The following SUSD5 variants were observed in gnomAD, a reference collection of about 807,000 sequenced individuals.
SUSD5 encodes the protein sushi domain-containing protein 5.
A neutral mutation model predicts 29.5 loss-of-function variants in SUSD5; 33 were observed. The observed-to-expected ratio is 1.12, with a 90% CI of 0.85 to 1.49. The LOEUF (loss-of-function observed/expected upper bound fraction) is 1.49, where lower values mean the gene tolerates loss of function less well. Ranked by LOEUF, SUSD5 falls within the 40% of genes most tolerant of loss-of-function variation. The pLI is 0.00. For missense variants in SUSD5, 776 were observed against 800.6 expected, an observed-to-expected ratio of 0.97 and a Z score of 0.37; for synonymous variants, 308 against 325.3, an observed-to-expected ratio of 0.95 and a Z score of 0.57.
At chr3:33,166,519 G>A (rs11710911) in intron 4 of SUSD5, among the ~76,000 whole-genome samples, 82,898 of 151,876 alleles carry the variant, frequency 0.55, 24,243 homozygotes, top group Middle Eastern at 0.66. Flanking sequence ...AGAGTTCACC[G>A]CTGTCACCAT....
At chr3:33,183,053 C>T (rs2031705734) in intron 3 of SUSD5, among the ~76,000 whole-genome samples, 1 of 152,178 alleles carries the variant, frequency 6.6e-6, no homozygotes, top group Non-Finnish European at 1.5e-5. Flanking sequence ...CCTTGGCCTC[C>T]CAAAGTGCTG....
intron 2 of SUSD5, 91 bp downstream of exon 2, chr3:33,213,837 A>G: frequency 7.3e-7 from 1 of 1,363,666 alleles, no homozygotes; most frequent in East Asian, 2.4e-5. Flanking sequence ...CTCTGCCTGT[A>G]TGGTACCTCA....
At chr3:33,168,433 T>G (rs1441382934) in intron 4 of SUSD5, 4 of 851,916 alleles carry the variant, frequency 4.7e-6, no homozygotes, top group Non-Finnish European at 4.2e-6. Flanking sequence ...AAATTAAGTC[T>G]AAAAGATGGA....
At chr3:33,156,986 A>T (rs2031070452) in intron 4 of SUSD5, among the ~76,000 whole-genome samples, 1 of 152,164 alleles carries the variant, frequency 6.6e-6, no homozygotes, top group Admixed American at 6.5e-5. Flanking sequence ...GCCCAATCAC[A>T]CCCCATTGTG....
intron 3 of SUSD5, among the ~76,000 whole-genome samples, chr3:33,176,008 C>A (rs560026704): frequency 6.6e-6 from 1 of 152,306 alleles, no homozygotes; most frequent in Non-Finnish European, 1.5e-5. Context: ...TTATTTATAC[C>A]TTCCTTCTCC....
At chr3:33,195,460 G>C (rs1387186171) in intron 3 of SUSD5, among the ~76,000 whole-genome samples, 1 of 152,150 alleles carries the variant, frequency 6.6e-6, no homozygotes, top group Non-Finnish European at 1.5e-5. Context: ...GACAAGGTCT[G>C]AGGCAGTGCA....
rs142036644 is a variant in SUSD5 at position 33,179,335 on chromosome 3, G to A, written c.410-4261C>T. Among the ~76,000 whole-genome samples, 400 of 152,068 alleles carry A rather than the reference G, an allele frequency of 2.6e-3. 2 individuals are homozygous for A. The highest frequency in any genetic ancestry group is 0.02 in the Middle Eastern group (6 of 294). ...TATGAGCCTTCAGAAATCAATACCC[G>A]AAGAACCAGGGAAAACTGTTGATTT... On this transcript the variant is annotated intron_variant, in intron 3 of 4. Transcript: ENST00000309558.
intron 3 of SUSD5, among the ~76,000 whole-genome samples, chr3:33,198,727 T>C (rs1412007694): frequency 6.6e-6 from 1 of 152,206 alleles, no homozygotes. Flanking sequence ...CACCAAGCTC[T>C]TTCCTGCCCG....
Position 33,167,185 on chromosome 3 carries a change from A to AAT in SUSD5, c.598+7699_598+7700dup, listed in dbSNP as rs917862881. Among the ~76,000 whole-genome samples the AAT allele has an allele frequency of 9.3e-5, 14 of 150,312 alleles. No individual in the cohort carries two copies. The highest frequency in any genetic ancestry group is 3.9e-4 in the East Asian group (2 of 5,158). ...CAAGAGCGAGACTCCATCTCAAAAAAATATATATATATATAAATATATATA... is the reference window on the plus strand; with the variant it reads ...CAAGAGCGAGACTCCATCTCAAAAAAATATATATATATATATAAATATATATA... On this transcript the variant is annotated intron_variant, in intron 4 of 4. Transcript: ENST00000309558. The surrounding 1 kb of genome is among the most constrained non-coding windows in gnomAD (Gnocchi z 4.1).
chr3:33,154,198 C>T (rs970860684), intron 4 of SUSD5, among the ~76,000 whole-genome samples, 165 bp from the exon 5 acceptor site: 1 of 152,170 alleles, frequency 6.6e-6, no homozygotes, highest in Non-Finnish European at 1.5e-5. Flanking sequence ...AAATAATCTA[C>T]ATATGAATAT....
chr3:33,181,854 C>A (rs2031679261), intron 3 of SUSD5, among the ~76,000 whole-genome samples: 1 of 152,230 alleles, frequency 6.6e-6, no homozygotes, highest in Admixed American at 6.5e-5. Flanking sequence ...GTAGGCTATA[C>A]CATCTAGGTT....
chr3:33,168,730 T>A (rs2031360015), intron 4 of SUSD5: 1 of 263,348 alleles, frequency 3.8e-6, no homozygotes, highest in South Asian at 1.4e-4. Flanking sequence ...GCTCACTGTA[T>A]CCTCCGCCTC....
At chr3:33,168,672 C>CTCTGTCTCAA in intron 4 of SUSD5, 1 of 843,440 alleles carries the variant, frequency 1.2e-6, no homozygotes, top group Non-Finnish European at 1.4e-6. Context: ...TTTTTTGAGA[C>CTCTGTCTCAA]AGAATCTCAC....
At chr3:33,159,101 A>G (rs1270024645) in intron 4 of SUSD5, among the ~76,000 whole-genome samples, 6 of 152,212 alleles carry the variant, frequency 3.9e-5, no homozygotes. Context: ...GAACTCAGTC[A>G]GCATGATGAA....
chr3:33,167,459 G>T lies in SUSD5; in HGVS notation c.598+7427C>A, dbSNP rs918569755. Among the ~76,000 whole-genome samples, 4 of 152,034 alleles carry T rather than the reference G, an allele frequency of 2.6e-5. No homozygotes were observed. Among genetic ancestry groups the T allele is most frequent in the Admixed American group, 2.6e-4 (4 of 15,260 alleles). ...TGCATGGATGTGCATGTGATTGTGT[G>T]TGTATGTGTGTGTGTGTCTCTGTAT... On this transcript the variant is annotated intron_variant, in intron 4 of 4. Transcript: ENST00000309558. The surrounding 1 kb of genome is among the most constrained non-coding windows in gnomAD (Gnocchi z 4.1).
In SUSD5 at chr3:33,153,534, A is replaced by G; in HGVS notation, c.1098T>C (p.Ser366=). ...GGTAGCCATCTAACCAGGACTCATC[A>G]CTGCTGCTCACCACTGGATCTCCTG... ...SKAGDPVVSS[S]DESWLDGYPV... Residue 366 remains serine (S), a synonymous_variant, in exon 5 of 5, where the codon AGT becomes AGC. Coordinates refer to ENST00000309558, the MANE Select transcript of SUSD5 (RefSeq NM_015551.2). 1 of 1,613,792 alleles carries G rather than the reference A, an allele frequency of 6.2e-7. No individual in the cohort carries two copies. The highest frequency in any genetic ancestry group is 8.5e-7 in the Non-Finnish European group (1 of 1,179,890).
chr3:33,198,953 T>C (rs1376843346), intron 3 of SUSD5, among the ~76,000 whole-genome samples: 2 of 152,088 alleles, frequency 1.3e-5, no homozygotes, highest in East Asian at 1.9e-4. Flanking sequence ...GCACCCAAAA[T>C]ATTGAAGAAG....
Position 33,150,511 on chromosome 3 carries a change from G to A in SUSD5, c.*2231C>T, listed in dbSNP as rs1575523859. 1 of 152,152 alleles carries A rather than the reference G, an allele frequency of 6.6e-6. No homozygotes were observed. Among genetic ancestry groups the A allele is most frequent in the South Asian group, 2.1e-4 (1 of 4,826 alleles). 9.4% of individuals were successfully genotyped at this position (152,152 alleles called of 1,614,324 possible). A position where few individuals can be genotyped will look rare whatever the true frequency, so the allele number is the denominator to read the frequency against. ...TTAAAAATAGAAAAGTTATCTTGCA[G>A]TAGATTAGGATCTAATTTATAAATA... On this transcript the variant is annotated 3_prime_UTR_variant, in exon 5 of 5. Coordinates refer to ENST00000309558, the MANE Select transcript of SUSD5 (RefSeq NM_015551.2).
intron 3 of SUSD5, among the ~76,000 whole-genome samples, chr3:33,203,995 G>A (rs1575543810): frequency 6.6e-6 from 1 of 151,442 alleles, no homozygotes; most frequent in East Asian, 2.0e-4. Context: ...GCTCACTGCA[G>A]CCTCAAACTC....
Sources: gnomAD v4.1 joint callset for allele counts (sites outside exome capture counted in the v4.1 genomes callset) on GRCh38, gnomAD v4.1.1 for gene constraint, Gnocchi (gnomAD v3.1) non-coding constraint, MANE v1.5 for transcripts, NCBI Gene and HGNC (gene_info 2026-07-23, HGNC 2026-07-21) for gene names.